Variants in KPNA5 observed in about 807,000 individuals in gnomAD.
KPNA5 encodes karyopherin subunit alpha 5.
In KPNA5, 46 loss-of-function variants were observed where a neutral mutation model predicts 71.3. That is an observed-to-expected ratio of 0.65 (90% CI 0.51 to 0.83). The LOEUF is 0.83. Among genes scored for constraint, KPNA5 ranks in the 40% least tolerant of loss-of-function variants. The pLI, the probability that KPNA5 is intolerant of heterozygous loss-of-function variation, is 0.00. For synonymous variants in KPNA5, 207 were observed against 201.4 expected (o/e 1.03, Z -0.24); for missense variants, 547 against 628.3 (o/e 0.87, Z 1.38).
intron 13 of KPNA5, among the ~76,000 whole-genome samples, chr6:116,731,424 A>G (rs1291491294): frequency 6.6e-6 from 1 of 152,178 alleles, no homozygotes; most frequent in Admixed American, 6.6e-5. Context: ...GTGTATAGAT[A>G]GGACTGCTTT....
At chr6:116,711,547 T>C (rs1322448040) in intron 7 of KPNA5, among the ~76,000 whole-genome samples, 2 of 151,646 alleles carry the variant, frequency 1.3e-5, no homozygotes, top group Non-Finnish European at 2.9e-5. Flanking sequence ...TATGTGTGTG[T>C]GTGTGTGTGT....
At chr6:116,683,815 T>C (rs1413384212) in intron 1 of KPNA5, among the ~76,000 whole-genome samples, 4 of 150,572 alleles carry the variant, frequency 2.7e-5, no homozygotes, top group African/African-American at 9.7e-5. Flanking sequence ...GCCAAAATGG[T>C]CTCGATCTCC....
chr6:116,717,673 G>C (rs1211048679), intron 8 of KPNA5, among the ~76,000 whole-genome samples: 2 of 152,132 alleles, frequency 1.3e-5, no homozygotes, highest in Non-Finnish European at 2.9e-5. Flanking sequence ...GCTTGGAAGG[G>C]ACCCAAGCAG....
Position 116,695,286 on chromosome 6 carries a change from C to CT in KPNA5, c.340+2903dup, listed in dbSNP as rs528142312. Among the ~76,000 whole-genome samples, 523 of 150,514 alleles carry CT rather than the reference C, an allele frequency of 3.5e-3. 1 individual carries two copies. The highest frequency in any genetic ancestry group is 6.9e-3 in the Middle Eastern group (2 of 290). On this transcript the variant is annotated intron_variant, in intron 4 of 13. Coordinates refer to ENST00000368564, the MANE Select transcript of KPNA5 (RefSeq NM_001366306.2). Reference sequence around the variant, plus strand: ...TATATAATAGTAATTCATTATTTGGCTTTTTTTTTGTAATTAGGTTGAATA... The same window carrying CT: ...TATATAATAGTAATTCATTATTTGGCTTTTTTTTTTGTAATTAGGTTGAATA...
At chr6:116,700,046 G>T (rs1353659782) in intron 5 of KPNA5, among the ~76,000 whole-genome samples, 3 of 152,184 alleles carry the variant, frequency 2.0e-5, no homozygotes, top group Non-Finnish European at 4.4e-5. Flanking sequence ...ACTCTGTTTA[G>T]GGGAAGTTTA....
chr6:116,711,255 ATTTT>A (rs56916606), intron 7 of KPNA5, among the ~76,000 whole-genome samples: 1 of 133,970 alleles, frequency 7.5e-6, no homozygotes. Context: ...GTTTTTGTTG[ATTTT>A]TTTTTTTTTT....
At chr6:116,729,158 CGTGTGTGTGTGT>C (rs150925835) in intron 12 of KPNA5, among the ~76,000 whole-genome samples, 144 of 112,160 alleles carry the variant, frequency 1.3e-3, no homozygotes, top group African/African-American at 4.1e-3. Flanking sequence ...ATATGACCTC[CGTGTGTGTGTGT>C]GTGTGTGTGT....
At chr6:116,716,171 GA>G (rs1360436340) in intron 7 of KPNA5, 47 bp from the exon 8 acceptor site, 1 of 1,402,174 alleles carries the variant, frequency 7.1e-7, no homozygotes, top group Non-Finnish European at 1.0e-6. Flanking sequence ...AGCTAAAGAG[GA>G]AAAATGAATG....
intron 4 of KPNA5, among the ~76,000 whole-genome samples, chr6:116,693,388 C>A (rs1777886074): frequency 6.6e-6 from 1 of 152,220 alleles, no homozygotes; most frequent in South Asian, 2.1e-4. Context: ...CACATCCTCT[C>A]CAGCACCTGT....
intron 1 of KPNA5, among the ~76,000 whole-genome samples, chr6:116,685,790 T>A (rs1777560008): frequency 6.6e-6 from 1 of 152,240 alleles, no homozygotes; most frequent in Non-Finnish European, 1.5e-5. Context: ...TATATCCCTC[T>A]GGATATACAC....
At chr6:116,730,508 G>A (rs1469556535) in intron 13 of KPNA5, among the ~76,000 whole-genome samples, 1 of 151,998 alleles carries the variant, frequency 6.6e-6, no homozygotes, top group Non-Finnish European at 1.5e-5. Context: ...GCATCTTTCT[G>A]TGTATATGTT....
chr6:116,702,129 A>G lies in KPNA5; in HGVS notation c.546A>G (p.Glu182=). 6.2e-7 allele frequency: 1 copy of G among 1,613,826 alleles called. No homozygotes were observed. The highest frequency in any genetic ancestry group is 8.5e-7 in the Non-Finnish European group (1 of 1,179,926). The change falls in exon 6 of 14, where the codon GAA becomes GAG. Residue 182 remains glutamate (E), a synonymous_variant. Coordinates refer to ENST00000368564, the MANE Select transcript of KPNA5 (RefSeq NM_001366306.2). ...TTTTTATCAAACTTCTTAATTCTGA[A>G]CATGAAGATGTTCAGGAACAGGTAC... ...VPIFIKLLNS[E]HEDVQEQAVW... is the part of the protein sequence containing the mutation.
intron 1 of KPNA5, among the ~76,000 whole-genome samples, chr6:116,688,062 C>G (rs1777661305): frequency 6.6e-6 from 1 of 152,128 alleles, no homozygotes; most frequent in Non-Finnish European, 1.5e-5. Flanking sequence ...TCTTCAAAAA[C>G]TTTGCCTTTG....
At chr6:116,725,990 T>C (rs1381173832) in intron 11 of KPNA5, 114 bp downstream of exon 11, 2 of 1,198,984 alleles carry the variant, frequency 1.7e-6, no homozygotes, top group Non-Finnish European at 2.3e-6. Flanking sequence ...CGAAAAAGTA[T>C]TTTAAAGAAC....
intron 7 of KPNA5, among the ~76,000 whole-genome samples, chr6:116,709,147 T>G (rs1778556756): frequency 6.6e-6 from 1 of 152,216 alleles, no homozygotes; most frequent in Admixed American, 6.5e-5. Flanking sequence ...AGTTTTTTTG[T>G]AGATTGTTGT....
Position 116,689,362 on chromosome 6 carries a change from G to A in KPNA5, c.47G>A (p.Ser16Asn), listed in dbSNP as rs137898003. The change falls in exon 2 of 14, where the codon AGT becomes AAT. Residue 16 changes from serine (S) to asparagine (N), a missense_variant. Ser to Asn is a conservative substitution (Grantham distance 46). Coordinates refer to ENST00000368564, the MANE Select transcript of KPNA5 (RefSeq NM_001366306.2). ...GGGAAAGATAACTATAGAATGAAAA[G>A]TTATAAGAATAAAGCCCTAAATCCT... ...SPGKDNYRMKSYKNKALNPQE... is the reference protein window; with the variant it reads ...SPGKDNYRMKNYKNKALNPQE... 5,445 of 1,609,456 alleles carry A rather than the reference G, an allele frequency of 3.4e-3. 131 individuals carry two copies. Among genetic ancestry groups the A allele is most frequent in the Admixed American group, 0.033 (1,960 of 58,716 alleles).
In KPNA5 at chr6:116,732,199, A is replaced by G; in HGVS notation, c.1496A>G (p.Asp499Gly). ...ENQEIYQKAF[D>G]LIEHYFGVEE... Reference sequence around the variant, plus strand: ...CAGGAAATTTACCAGAAGGCATTTGATCTGATTGAACATTACTTTGGTGTA... The same window carrying G: ...CAGGAAATTTACCAGAAGGCATTTGGTCTGATTGAACATTACTTTGGTGTA... The change falls in exon 14 of 14, where the codon GAT becomes GGT. Residue 499 changes from aspartate (D) to glycine (G), a missense_variant. Asp to Gly is a moderately conservative substitution (Grantham distance 94). Transcript: ENST00000368564. 1 of 1,577,734 alleles carries G rather than the reference A, an allele frequency of 6.3e-7. No individual in the cohort carries two copies. The highest frequency in any genetic ancestry group is 8.6e-7 in the Non-Finnish European group (1 of 1,163,586).
At chr6:116,681,482 G>C in intron 1 of KPNA5, 144 bp downstream of exon 1, 2 of 1,385,086 alleles carry the variant, frequency 1.4e-6, no homozygotes, top group South Asian at 3.4e-5. Context: ...TGTTTCTCGT[G>C]TTTTCCCCAG....
At chr6:116,708,680 C>T (rs544858083) in intron 7 of KPNA5, among the ~76,000 whole-genome samples, 34 of 152,106 alleles carry the variant, frequency 2.2e-4, no homozygotes, top group African/African-American at 7.9e-4. Flanking sequence ...GTATTTTATT[C>T]TTTTTTATTC....
Sources: gnomAD v4.1 joint callset for allele counts (sites outside exome capture counted in the v4.1 genomes callset) on GRCh38, gnomAD v4.1.1 for gene constraint, MANE v1.5 for transcripts, NCBI Gene and HGNC (gene_info 2026-07-23, HGNC 2026-07-21) for gene names.